OSTF1: variants seen among roughly 807,000 people sequenced by gnomAD.
OSTF1 encodes osteoclast stimulating factor 1, also known as osteoclast-stimulating factor 1.
OSTF1 carries 27 observed loss-of-function variants against 37.2 expected under a neutral mutation model. The observed-to-expected ratio is 0.73, with a 90% CI of 0.54 to 1.00. OSTF1 has a LOEUF of 1.00. OSTF1 is among the 50% of genes least tolerant of loss of function. The pLI, the probability that OSTF1 is intolerant of heterozygous loss-of-function variation, is 0.00. For synonymous variants in OSTF1, 82 were observed against 89.2 expected, an observed-to-expected ratio of 0.92 and a Z score of 0.46; for missense variants, 232 against 253.8, an observed-to-expected ratio of 0.91 and a Z score of 0.58.
intron 2 of OSTF1, 93 bp downstream of exon 2, chr9:75,117,643 C>G (rs1825513622): frequency 1.9e-5 from 17 of 899,398 alleles, no homozygotes; most frequent in Non-Finnish European, 2.7e-5. Context: ...TCTGCCTTTT[C>G]TTTGATAGAC....
chr9:75,134,437 T>G, intron 7 of OSTF1, 42 bp downstream of exon 7: 1 of 1,082,814 alleles, frequency 9.2e-7, no homozygotes, highest in Non-Finnish European at 1.4e-6. Context: ...CATACCTGCT[T>G]GTTGTCTTTA....
At chr9:75,133,960 A>C (rs1825805352) in intron 6 of OSTF1, among the ~76,000 whole-genome samples, 1 of 152,210 alleles carries the variant, frequency 6.6e-6, no homozygotes, top group Non-Finnish European at 1.5e-5. Context: ...AAATAAACTC[A>C]ACAACAATAA....
chr9:75,089,694 G>GT (rs1188375076), intron 1 of OSTF1, among the ~76,000 whole-genome samples: 2 of 152,140 alleles, frequency 1.3e-5, no homozygotes, highest in African/African-American at 4.8e-5. Context: ...GTATTCTTGG[G>GT]TTTTTTCTTC....
intron 9 of OSTF1, among the ~76,000 whole-genome samples, chr9:75,146,352 G>T (rs1393548794): frequency 6.6e-6 from 1 of 152,256 alleles, no homozygotes; most frequent in Non-Finnish European, 1.5e-5. Flanking sequence ...GGGAGAGGAG[G>T]TTGGAAGCTC....
chr9:75,136,327 GT>G (rs991228360), intron 7 of OSTF1, among the ~76,000 whole-genome samples: 3 of 151,780 alleles, frequency 2.0e-5, no homozygotes, highest in African/African-American at 7.3e-5. Flanking sequence ...CATTTATTTT[GT>G]TTGTTTTGGT....
At chr9:75,107,207 C>G (rs982176219) in intron 1 of OSTF1, among the ~76,000 whole-genome samples, 1 of 149,466 alleles carries the variant, frequency 6.7e-6, no homozygotes, top group Non-Finnish European at 1.5e-5. Flanking sequence ...CCACGGACTC[C>G]CCCTGTTTTG....
chr9:75,141,533 C>T (rs1006449398), intron 9 of OSTF1, among the ~76,000 whole-genome samples: 47 of 152,126 alleles, frequency 3.1e-4, no homozygotes, highest in African/African-American at 1.1e-3. Flanking sequence ...TTTCAGAGAA[C>T]GATCATCTTC....
chr9:75,099,915 G>A (rs1255264604), intron 1 of OSTF1, among the ~76,000 whole-genome samples: 6 of 152,054 alleles, frequency 3.9e-5, no homozygotes, highest in African/African-American at 1.4e-4. Context: ...TTATACTTAC[G>A]GGAATAAATT....
rs143593712 is a variant in OSTF1, at chr9:75,133,113, C to T, written c.251-181C>T. Among the ~76,000 whole-genome samples the T allele has an allele frequency of 3.2e-3, 493 of 152,048 alleles. 5 individuals are homozygous for T. Among genetic ancestry groups the T allele is most frequent in the African/African-American group, 0.011 (452 of 41,450 alleles). On this transcript the variant is annotated intron_variant, in intron 5 of 9. Coordinates refer to ENST00000346234, the MANE Select transcript of OSTF1 (RefSeq NM_012383.5). ...TAGAAACATTGATGTTAATACTTTC[C>T]ATTAATAAGCTGGAAGTCAAAATGT...
Position 75,130,510 on chromosome 9 carries a change from G to A in OSTF1, c.133-68G>A, listed in dbSNP as rs1174386748. The A allele has an allele frequency of 4.7e-6, 5 of 1,070,900 alleles. No homozygotes were observed. The African/African-American group carries it at 7.8e-5, about 17-fold the overall frequency. 66.3% of individuals were successfully genotyped at this position (1,070,900 alleles called of 1,614,324 possible). Reference sequence around the variant, plus strand: ...TAGAACAGGTACTCCCTAGGAGCTAGATAATTTGAAAAGTGAATGAATGCA... The same window carrying A: ...TAGAACAGGTACTCCCTAGGAGCTAAATAATTTGAAAAGTGAATGAATGCA... On this transcript the variant is annotated intron_variant, in intron 3 of 9. Coordinates refer to ENST00000346234, the MANE Select transcript of OSTF1 (RefSeq NM_012383.5).
At chr9:75,145,355 G>A (rs1826007406) in intron 9 of OSTF1, among the ~76,000 whole-genome samples, 1 of 152,064 alleles carries the variant, frequency 6.6e-6, no homozygotes, top group African/African-American at 2.4e-5. Flanking sequence ...ACCTAATCAT[G>A]TATCTTTCTT....
intron 9 of OSTF1, among the ~76,000 whole-genome samples, chr9:75,142,064 T>G (rs906639842): frequency 6.6e-6 from 1 of 152,184 alleles, no homozygotes; most frequent in African/African-American, 2.4e-5. Flanking sequence ...TGTTCTTTAT[T>G]CTAGATATGT....
intron 1 of OSTF1, among the ~76,000 whole-genome samples, chr9:75,095,145 C>T (rs1369558810): frequency 6.6e-6 from 1 of 152,174 alleles, no homozygotes; most frequent in Non-Finnish European, 1.5e-5. Flanking sequence ...AATTAACGTA[C>T]TTCTGGATTG....
chr9:75,112,272 A>G (rs978561096), intron 1 of OSTF1, among the ~76,000 whole-genome samples: 1 of 152,178 alleles, frequency 6.6e-6, no homozygotes, highest in South Asian at 2.1e-4. Flanking sequence ...CAATTAATTC[A>G]GTATTATTAT....
chr9:75,093,024 CTCTT>C (rs921277632), intron 1 of OSTF1, among the ~76,000 whole-genome samples: 38 of 149,110 alleles, frequency 2.5e-4, no homozygotes, highest in African/African-American at 5.4e-4. Context: ...TTATGATACC[CTCTT>C]TCTTTCTTTC....
At chr9:75,097,755 C>CTT (rs34808461) in intron 1 of OSTF1, among the ~76,000 whole-genome samples, 2 of 144,286 alleles carry the variant, frequency 1.4e-5, no homozygotes, top group East Asian at 2.0e-4. Context: ...GCCGTCCCCT[C>CTT]TTTTTTTTTT....
At chr9:75,124,168 A>G (rs1564163300) in intron 2 of OSTF1, among the ~76,000 whole-genome samples, 1 of 152,214 alleles carries the variant, frequency 6.6e-6, no homozygotes, top group Non-Finnish European at 1.5e-5. Context: ...TAGTAGGTGT[A>G]TATATTCATG....
chr9:75,115,523 C>G (rs1406787844), intron 1 of OSTF1, among the ~76,000 whole-genome samples: 1 of 152,138 alleles, frequency 6.6e-6, no homozygotes, highest in African/African-American at 2.4e-5. Context: ...CACCTGACCT[C>G]AAGTGATCCA....
In OSTF1 at chr9:75,117,546, G is replaced by T. The variant is rs778009294; in HGVS notation, c.77G>T (p.Arg26Ile). 2.5e-6 allele frequency: 4 copies of T among 1,606,132 alleles called. No individual in the cohort carries two copies. Among genetic ancestry groups the T allele is most frequent in the South Asian group, 1.1e-5 (1 of 90,394 alleles). ...AGAGCCCTGTATACGTTTGAACCCA[G>T]AACTGTAAGTGTTCAGTTTTTAACT... is the stretch of plus-strand genomic sequence containing the variant. Reference protein sequence around the residue: ...VFRALYTFEPRTPDELYFEEG... With the variant: ...VFRALYTFEPITPDELYFEEG... Residue 26 changes from arginine to isoleucine, a missense_variant, in exon 2 of 10, where the codon AGA becomes ATA. Physicochemically the swap from Arg to Ile is moderately conservative, Grantham distance 97. Coordinates refer to ENST00000346234, the MANE Select transcript of OSTF1 (RefSeq NM_012383.5).
Sources: gnomAD v4.1 joint callset for allele counts (sites outside exome capture counted in the v4.1 genomes callset) on GRCh38, gnomAD v4.1.1 for gene constraint, MANE v1.5 for transcripts, NCBI Gene and HGNC (gene_info 2026-07-23, HGNC 2026-07-21) for gene names.